Variants in IGSF3 observed in about 807,000 individuals in gnomAD.
The protein encoded by IGSF3 is glu-Trp-Ile EWI motif-containing protein 3.
IGSF3 carries 23 observed loss-of-function variants against 114.4 expected under a neutral mutation model. The observed-to-expected ratio is 0.20, with a 90% CI of 0.14 to 0.28. The LOEUF (loss-of-function observed/expected upper bound fraction) is 0.28, where lower values mean the gene tolerates loss of function less well. Among genes scored for constraint, IGSF3 ranks in the 10% least tolerant of loss-of-function variants. The pLI is 1.00. For synonymous variants in IGSF3, 571 were observed against 645.2 expected (o/e 0.88, Z 1.74); for missense variants, 1,172 against 1,591.5 (o/e 0.74, Z 4.48).
Position 116,594,904 on chromosome 1 carries a change from A to C in IGSF3, c.2029+5037T>G. Among the ~76,000 whole-genome samples, 3 of 142,248 alleles carry C rather than the reference A, an allele frequency of 2.1e-5. No homozygotes were observed. Among genetic ancestry groups the C allele is most frequent in the African/African-American group, 5.3e-5 (2 of 37,754 alleles). The allele number at this position is 142,248 out of a possible 152,430, so 93.3% of individuals were successfully genotyped here. A position where few individuals can be genotyped will look rare whatever the true frequency, so the allele number is the denominator to read the frequency against. On this transcript the variant is annotated intron_variant, in intron 7 of 10. Coordinates refer to ENST00000369486, the MANE Select transcript of IGSF3 (RefSeq NM_001007237.3). This position sits in a 1 kb window ranked among gnomAD's most constrained non-coding sequence, Gnocchi z 5.2. ...CTCACCCCTACCCCATTCCCTCCTC[A>C]CGCCCCCTGCCCCCGTTCATGCCCT...
rs1660216991 is a variant in IGSF3, at chr1:116,593,654, A to G, written c.2030-4550T>C. 6.6e-6 allele frequency among the ~76,000 whole-genome samples: 1 copy of G among 151,916 alleles called. No homozygotes were observed. The highest frequency in any genetic ancestry group is 1.5e-5 in the Non-Finnish European group (1 of 68,006). On this transcript the variant is annotated intron_variant, in intron 7 of 10. Coordinates refer to ENST00000369486, the MANE Select transcript of IGSF3 (RefSeq NM_001007237.3). The surrounding 1 kb of genome is among the most constrained non-coding windows in gnomAD (Gnocchi z 4.5). ...CCATTCCCTATTTGGGCCCTCAATG[A>G]TCTCTTTCTCAGGCTCTTGTAATTG...
In IGSF3 at chr1:116,598,260, CA is replaced by C. The variant is rs3216632; in HGVS notation, c.2029+1680del. ...AACTGACCTTGAGAGCCAGAGGGGA[CA>C]AAAAAAAAAGGTGCAATTACAATCC... On this transcript the variant is annotated intron_variant, in intron 7 of 10. Coordinates refer to ENST00000369486, the MANE Select transcript of IGSF3 (RefSeq NM_001007237.3). The surrounding 1 kb of genome is among the most constrained non-coding windows in gnomAD (Gnocchi z 4.3). Among the ~76,000 whole-genome samples, 348 of 143,402 alleles carry C rather than the reference CA, an allele frequency of 2.4e-3. 1 individual carries two copies. The highest frequency in any genetic ancestry group is 7.1e-3 in the African/African-American group (278 of 39,244). 94.1% of individuals were successfully genotyped at this position (143,402 alleles called of 152,430 possible). A position where few individuals can be genotyped will look rare whatever the true frequency, so the allele number is the denominator to read the frequency against.
chr1:116,645,865 G>A (rs929778328), intron 2 of IGSF3, among the ~76,000 whole-genome samples: 2 of 152,254 alleles, frequency 1.3e-5, no homozygotes. Flanking sequence ...GGGAGAACCA[G>A]GACAGCGGCT....
rs559390689 is a variant in IGSF3, at chr1:116,610,378, T to C, written c.833-2047A>G. ...TTCTCATCTCAAGGGAATCCCCCCA[T>C]GCCTTGGTGACACCTTCATGTTCCC... On this transcript the variant is annotated intron_variant, in intron 4 of 10. Coordinates refer to ENST00000369486, the MANE Select transcript of IGSF3 (RefSeq NM_001007237.3). The surrounding 1 kb of genome is among the most constrained non-coding windows in gnomAD (Gnocchi z 4.3). Among the ~76,000 whole-genome samples the C allele has an allele frequency of 3.3e-5, 5 of 152,180 alleles. No individual in the cohort carries two copies. Among genetic ancestry groups the C allele is most frequent in the Non-Finnish European group, 5.9e-5 (4 of 68,028 alleles).
chr1:116,641,397 G>A (rs1381540798), intron 2 of IGSF3, among the ~76,000 whole-genome samples: 1 of 148,858 alleles, frequency 6.7e-6, no homozygotes, highest in Non-Finnish European at 1.5e-5. Context: ...TGAGGAGGCT[G>A]AGGCATGAGA....
In IGSF3 at chr1:116,666,485, G is replaced by T; in HGVS notation, c.-159C>A. The T allele has an allele frequency of 1.5e-6, 1 of 689,172 alleles. No individual in the cohort carries two copies. The allele number at this position is 689,172 out of a possible 1,614,324, so 42.7% of individuals were successfully genotyped here. Reference sequence around the variant, plus strand: ...GATTAAAAAGAAGAGATCAGAAGGAGGGAGTTGGGGGGAAGGGGAGGAGTG... The same window carrying T: ...GATTAAAAAGAAGAGATCAGAAGGATGGAGTTGGGGGGAAGGGGAGGAGTG... On this transcript the variant is annotated 5_prime_UTR_variant, in exon 2 of 11. Coordinates refer to ENST00000369486, the MANE Select transcript of IGSF3 (RefSeq NM_001007237.3).
chr1:116,603,354 G>A lies in IGSF3; in HGVS notation c.1624+270C>T, dbSNP rs1248849993. Among the ~76,000 whole-genome samples the A allele has an allele frequency of 4.6e-5, 7 of 152,210 alleles. No individual in the cohort carries two copies. The highest frequency in any genetic ancestry group is 1.7e-4 in the African/African-American group (7 of 41,452). On this transcript the variant is annotated intron_variant, in intron 6 of 10. Transcript: ENST00000369486. The surrounding 1 kb of genome is among the most constrained non-coding windows in gnomAD (Gnocchi z 7.1). ...TGATAACATCACTCTCTCCCAGCCA[G>A]ACTAGGAGTAGTCACAGCTCCCAGC...
rs113861304 is a variant in IGSF3 at position 116,585,288 on chromosome 1, G to A, written c.2441-236C>T. On this transcript the variant is annotated intron_variant, in intron 8 of 10. Coordinates refer to ENST00000369486, the MANE Select transcript of IGSF3 (RefSeq NM_001007237.3). The surrounding 1 kb of genome is among the most constrained non-coding windows in gnomAD (Gnocchi z 4.9). ...TTACAATAACAGCTGTCCCAAAGTC[G>A]TAGCCCTCATCAGTTCTGATGCTCA... is the stretch of plus-strand genomic sequence containing the variant. Among the ~76,000 whole-genome samples, 228 of 152,250 alleles carry A rather than the reference G, an allele frequency of 1.5e-3. 1 individual carries two copies. The highest frequency in any genetic ancestry group is 5.0e-3 in the African/African-American group (208 of 41,534).
rs921157110 is a variant in IGSF3 at position 116,644,403 on chromosome 1, G to A, written c.43+21881C>T. Among the ~76,000 whole-genome samples, 1 of 152,252 alleles carries A rather than the reference G, an allele frequency of 6.6e-6. No homozygotes were observed. The highest frequency in any genetic ancestry group is 2.4e-5 in the African/African-American group (1 of 41,468). On this transcript the variant is annotated intron_variant, in intron 2 of 10. Transcript: ENST00000369486. The surrounding 1 kb of genome is among the most constrained non-coding windows in gnomAD (Gnocchi z 5.6). ...CAGTTCCACACAGCCCTGCACAGCA[G>A]GAATTCAGCCTCTGGCAGCCGTGAT...
chr1:116,602,670 C>T (rs1660639147), intron 6 of IGSF3, among the ~76,000 whole-genome samples: 1 of 152,176 alleles, frequency 6.6e-6, no homozygotes, highest in African/African-American at 2.4e-5. Context: ...CCAAAAGCAC[C>T]ACCATCCCAA....
chr1:116,663,869 T>C (rs1649222106), intron 2 of IGSF3, among the ~76,000 whole-genome samples: 1 of 152,206 alleles, frequency 6.6e-6, no homozygotes, highest in Non-Finnish European at 1.5e-5. Context: ...TTAAACAAAA[T>C]TTTATTCCAG....
At chr1:116,626,481 A>C (rs1647289841) in intron 2 of IGSF3, among the ~76,000 whole-genome samples, 2 of 152,132 alleles carry the variant, frequency 1.3e-5, no homozygotes, top group African/African-American at 4.8e-5. Context: ...ATATTAATGA[A>C]TATTTAGGTT....
At position 116,644,282 on chromosome 1, in the gene IGSF3, A is replaced by T. The variant is rs1648238143; in HGVS notation, c.43+22002T>A. ...TCTTTCAAAACATCAGGGACCTCAC[A>T]GGAAAACAATGCAGAAAACTGCAGT... On this transcript the variant is annotated intron_variant, in intron 2 of 10. Coordinates refer to ENST00000369486, the MANE Select transcript of IGSF3 (RefSeq NM_001007237.3). This position sits in a 1 kb window ranked among gnomAD's most constrained non-coding sequence, Gnocchi z 5.6. Among the ~76,000 whole-genome samples the T allele has an allele frequency of 6.6e-6, 1 of 152,268 alleles. No individual in the cohort carries two copies. Among genetic ancestry groups the T allele is most frequent in the Non-Finnish European group, 1.5e-5 (1 of 68,046 alleles).
rs1217296639 is a variant in IGSF3 at position 116,616,407 on chromosome 1, G to A, written c.94C>T (p.Arg32Cys). The change falls in exon 3 of 11, where the codon CGC becomes TGC. Residue 32 changes from arginine to cysteine, a missense_variant. Transcript: ENST00000369486. This position sits in a 1 kb window ranked among gnomAD's most constrained non-coding sequence, Gnocchi z 6.6. ...QVTVQEGPLYRTEGSHITIWC... is the reference protein window; with the variant it reads ...QVTVQEGPLYCTEGSHITIWC... ...ATAGTGATGTGGGAGCCCTCCGTGC[G>A]GTACAAGGGTCCTTCCTGAACGGTG... The A allele has an allele frequency of 6.2e-7, 1 of 1,608,736 alleles. No homozygotes were observed.
chr1:116,603,928 C>T lies in IGSF3; in HGVS notation c.1320G>A (p.Pro440=), dbSNP rs371121579. 5.3e-5 allele frequency: 86 copies of T among 1,613,806 alleles called. 1 individual carries two copies. The South Asian group carries it at 6.9e-4, about 13-fold the overall frequency. The change falls in exon 6 of 11, where the codon CCG becomes CCA. Residue 440 remains proline (P), a synonymous_variant. Transcript: ENST00000369486. This position sits in a 1 kb window ranked among gnomAD's most constrained non-coding sequence, Gnocchi z 7.1. ...FSCSVRTAGR[P]QGRFSVIWQL... is the part of the protein sequence containing the mutation. ...GCCAGATGACAGAGAAGCGACCCTG[C>T]GGCCTGCCTGCCGTGCGGACACTGC... is the stretch of plus-strand genomic sequence containing the variant.
rs1274918789 is a variant in IGSF3, at chr1:116,633,258, C to G, written c.44-16801G>C. On this transcript the variant is annotated intron_variant, in intron 2 of 10. Coordinates refer to ENST00000369486, the MANE Select transcript of IGSF3 (RefSeq NM_001007237.3). The surrounding 1 kb of genome is among the most constrained non-coding windows in gnomAD (Gnocchi z 4.3). ...CTGCCGGATCAAGCACTTCCCACCT[C>G]CTGCTCTGGGAAATCAGATCTCAGT... Among the ~76,000 whole-genome samples the G allele has an allele frequency of 6.6e-6, 1 of 152,224 alleles. No homozygotes were observed.
In IGSF3 at chr1:116,593,923, ACT is replaced by A. The variant is rs1660232113; in HGVS notation, c.2030-4821_2030-4820del. Among the ~76,000 whole-genome samples the A allele has an allele frequency of 6.6e-6, 1 of 152,088 alleles. No individual in the cohort carries two copies. The highest frequency in any genetic ancestry group is 1.9e-4 in the East Asian group (1 of 5,190). ...ATCTGGGACAACTCCATGCAACAAA[ACT>A]CTGCCTCGTGTCCTGTGTGACTTTC... On this transcript the variant is annotated intron_variant, in intron 7 of 10. Coordinates refer to ENST00000369486, the MANE Select transcript of IGSF3 (RefSeq NM_001007237.3). This position sits in a 1 kb window ranked among gnomAD's most constrained non-coding sequence, Gnocchi z 4.5.
At chr1:116,587,675 TATGG>T (rs1191444937) in intron 8 of IGSF3, among the ~76,000 whole-genome samples, 5 of 152,084 alleles carry the variant, frequency 3.3e-5, no homozygotes, top group African/African-American at 1.2e-4. Context: ...CCCCTACTGG[TATGG>T]GAGAAATCAG....
intron 2 of IGSF3, among the ~76,000 whole-genome samples, chr1:116,637,490 C>G (rs1647886628): frequency 6.6e-6 from 1 of 152,180 alleles, no homozygotes; most frequent in African/African-American, 2.4e-5. Flanking sequence ...TTGTTTCCGT[C>G]CTTCAGAGTG....
Sources: allele counts gnomAD v4.1 joint callset (sites outside exome capture counted in the v4.1 genomes callset), GRCh38; gene constraint gnomAD v4.1.1; non-coding constraint Gnocchi (gnomAD v3.1); transcripts MANE v1.5; gene names NCBI Gene and HGNC (gene_info 2026-07-23, HGNC 2026-07-21).